The following PALM2AKAP2 variants were observed in gnomAD, a reference collection of about 807,000 sequenced individuals.
PALM2AKAP2 encodes PALM2-AKAP2 fusion protein.
A neutral mutation model predicts 71.5 loss-of-function variants in PALM2AKAP2; 37 were observed. That is an observed-to-expected ratio of 0.52 (90% confidence interval 0.40 to 0.68). PALM2AKAP2 has a LOEUF of 0.68. Ranked by LOEUF, PALM2AKAP2 falls within the 30% of genes least tolerant of loss-of-function variation. The pLI is 0.00. For missense variants in PALM2AKAP2, 1,224 were observed against 1,191.8 expected, an observed-to-expected ratio of 1.03 and a Z score of -0.40; for synonymous variants, 468 against 478.8, an observed-to-expected ratio of 0.98 and a Z score of 0.29.
At chr9:109,991,260 A>G (rs1832476451) in intron 6 of PALM2AKAP2, among the ~76,000 whole-genome samples, 1 of 151,012 alleles carries the variant, frequency 6.6e-6, no homozygotes, top group African/African-American at 2.4e-5. Flanking sequence ...TTTTTAAGAC[A>G]GAGTCTCCCT....
intron 1 of PALM2AKAP2, among the ~76,000 whole-genome samples, chr9:109,748,370 G>A (rs573614816): frequency 6.6e-6 from 1 of 152,112 alleles, no homozygotes; most frequent in East Asian, 1.9e-4. Context: ...AGGGAATGAC[G>A]CACTACAGGG....
At chr9:109,736,769 C>G (rs917297570) in intron 1 of PALM2AKAP2, among the ~76,000 whole-genome samples, 1 of 152,094 alleles carries the variant, frequency 6.6e-6, no homozygotes, top group Non-Finnish European at 1.5e-5. Context: ...ACTCTCCCGC[C>G]ATCCCACCTT....
At chr9:109,775,074 A>G (rs1197590761) in intron 1 of PALM2AKAP2, among the ~76,000 whole-genome samples, 1 of 152,196 alleles carries the variant, frequency 6.6e-6, no homozygotes, top group Non-Finnish European at 1.5e-5. Context: ...CTGTCATTCT[A>G]ATCTATTATG....
At chr9:110,064,796 G>C (rs1240628982) in intron 1 of PALM2AKAP2, among the ~76,000 whole-genome samples, 1 of 152,154 alleles carries the variant, frequency 6.6e-6, no homozygotes, top group Non-Finnish European at 1.5e-5. Context: ...TTATTTTTGG[G>C]ACCTCGGTGG....
chr9:109,746,797 T>A (rs1489287619), intron 1 of PALM2AKAP2, among the ~76,000 whole-genome samples: 26 of 152,200 alleles, frequency 1.7e-4, no homozygotes, highest in Non-Finnish European at 2.9e-5. Flanking sequence ...ACAGGGAGAC[T>A]AAGAAACTTG....
At chr9:110,113,541 TA>T (rs1383885900) in intron 1 of PALM2AKAP2, among the ~76,000 whole-genome samples, 4 of 147,102 alleles carry the variant, frequency 2.7e-5, no homozygotes, top group Non-Finnish European at 6.0e-5. Flanking sequence ...TTTTTTTTTT[TA>T]GACAGAGTTT....
chr9:109,806,350 T>G (rs1827572209), intron 1 of PALM2AKAP2, among the ~76,000 whole-genome samples: 1 of 152,258 alleles, frequency 6.6e-6, no homozygotes, highest in African/African-American at 2.4e-5. Flanking sequence ...GTTTATGTAA[T>G]TCAGCCAAGA....
intron 1 of PALM2AKAP2, among the ~76,000 whole-genome samples, chr9:109,847,362 T>C (rs1238299616): frequency 6.6e-6 from 1 of 152,180 alleles, no homozygotes; most frequent in Non-Finnish European, 1.5e-5. Flanking sequence ...AAGGATGAAT[T>C]GTCCCCTAGA....
At chr9:109,763,386 C>A (rs937455733) in intron 1 of PALM2AKAP2, among the ~76,000 whole-genome samples, 12 of 152,108 alleles carry the variant, frequency 7.9e-5, no homozygotes, top group Non-Finnish European at 1.0e-4. Flanking sequence ...TGCCCTGCCT[C>A]CTACTTGCTT....
intron 1 of PALM2AKAP2, among the ~76,000 whole-genome samples, chr9:109,666,063 G>A (rs1034284090): frequency 3.3e-4 from 51 of 152,314 alleles, no homozygotes; most frequent in South Asian, 4.1e-4. Flanking sequence ...GTATTTGGGC[G>A]GGAGTGTCCT....
chr9:109,693,156 G>T (rs1827922662), intron 1 of PALM2AKAP2, among the ~76,000 whole-genome samples: 1 of 151,904 alleles, frequency 6.6e-6, no homozygotes, highest in African/African-American at 2.4e-5. Context: ...TTATTTAATA[G>T]ATATAGGCCT....
At chr9:110,137,679 G>A (rs1372988632) in exon 2 of PALM2AKAP2, 3 of 1,613,984 alleles carry the variant, frequency 1.9e-6, no homozygotes, top group African/African-American at 1.3e-5. Flanking sequence ...TTGTCGGTGA[G>A]GTCTCAGGAT....
chr9:110,034,025 A>T (rs1296750083), intron 7 of PALM2AKAP2, among the ~76,000 whole-genome samples: 2 of 152,214 alleles, frequency 1.3e-5, no homozygotes, highest in Non-Finnish European at 1.5e-5. Flanking sequence ...GCTCAGAATC[A>T]GTGGAAGAAT....
At chr9:109,657,839 T>C (rs984868333) in intron 1 of PALM2AKAP2, among the ~76,000 whole-genome samples, 20 of 151,854 alleles carry the variant, frequency 1.3e-4, no homozygotes, top group African/African-American at 4.8e-4. Flanking sequence ...GAAGTGAGGA[T>C]GGCTGGGAGC....
intron 1 of PALM2AKAP2, among the ~76,000 whole-genome samples, chr9:109,808,162 C>G (rs1587926007): frequency 6.6e-6 from 1 of 152,094 alleles, no homozygotes; most frequent in Non-Finnish European, 1.5e-5. Context: ...AATGTGGAAG[C>G]AACTTTGGAA....
intron 6 of PALM2AKAP2, among the ~76,000 whole-genome samples, chr9:109,968,265 C>G (rs1831994517): frequency 6.6e-6 from 1 of 152,158 alleles, no homozygotes; most frequent in Non-Finnish European, 1.5e-5. Context: ...AACTTGAGGC[C>G]CTCGCGTACC....
intron 7 of PALM2AKAP2, among the ~76,000 whole-genome samples, chr9:110,031,854 T>C (rs2132414801): frequency 6.6e-6 from 1 of 152,326 alleles, no homozygotes; most frequent in Middle Eastern, 3.4e-3. Context: ...TTTGCGTTCA[T>C]TCTTCCAATG....
At chr9:110,067,953 C>T (rs921459359) in intron 1 of PALM2AKAP2, among the ~76,000 whole-genome samples, 2 of 151,160 alleles carry the variant, frequency 1.3e-5, no homozygotes, top group African/African-American at 4.9e-5. Context: ...TTCATTTTGA[C>T]AAAATCTTTT....
intron 1 of PALM2AKAP2, among the ~76,000 whole-genome samples, chr9:109,650,325 A>G (rs1009344566): frequency 1.6e-5 from 2 of 128,498 alleles, no homozygotes; most frequent in African/African-American, 2.5e-5. Context: ...TGATTTAATA[A>G]AAATTATACT....
Sources: gnomAD v4.1 joint callset for allele counts (sites outside exome capture counted in the v4.1 genomes callset) on GRCh38, gnomAD v4.1.1 for gene constraint, MANE v1.5 for transcripts, NCBI Gene and HGNC (gene_info 2026-07-23, HGNC 2026-07-21) for gene names.